KIF5C: variants seen among roughly 807,000 people sequenced by gnomAD.
The protein encoded by KIF5C is kinesin heavy chain isoform 5C.
In KIF5C, 18 loss-of-function variants were observed where a neutral mutation model predicts 125.2. That is an observed-to-expected ratio of 0.14 (90% CI 0.10 to 0.21). The LOEUF (loss-of-function observed/expected upper bound fraction) is 0.21. Among genes scored for constraint, KIF5C ranks in the 10% least tolerant of loss-of-function variants. The pLI is 1.00. For synonymous variants in KIF5C, 405 were observed against 434.0 expected, an observed-to-expected ratio of 0.93 and a Z score of 0.83; for missense variants, 780 against 1,183.8, an observed-to-expected ratio of 0.66 and a Z score of 5.01.
At chr2:148,941,519 T>C (rs966483492) in intron 4 of KIF5C, 91 bp from the exon 5 acceptor site, 43 of 1,493,018 alleles carry the variant, frequency 2.9e-5, no homozygotes, top group African/African-American at 5.6e-5. Context: ...TTCTTAGCCA[T>C]GCATGATGAA....
chr2:148,894,734 A>C (rs1170797155), intron 1 of KIF5C, among the ~76,000 whole-genome samples: 1 of 151,364 alleles, frequency 6.6e-6, no homozygotes, highest in Non-Finnish European at 1.5e-5. Context: ...GGTGGGAGGG[A>C]AGATTAAAGG....
At chr2:148,915,492 C>A (rs972968432) in intron 1 of KIF5C, among the ~76,000 whole-genome samples, 3 of 152,106 alleles carry the variant, frequency 2.0e-5, no homozygotes, top group African/African-American at 7.2e-5. Context: ...AAAGGTGTAC[C>A]CCCTTTCCAG....
intron 21 of KIF5C, among the ~76,000 whole-genome samples, chr2:149,001,224 C>G (rs562121582): frequency 1.3e-5 from 2 of 152,314 alleles, no homozygotes; most frequent in African/African-American, 4.8e-5. Flanking sequence ...AAATCTTGCA[C>G]TCTATCAGAT....
intron 2 of KIF5C, among the ~76,000 whole-genome samples, chr2:148,922,647 A>G (rs1681834113): frequency 6.6e-6 from 1 of 152,182 alleles, no homozygotes; most frequent in African/African-American, 2.4e-5. Context: ...CCCTTTTACT[A>G]ATATCTCTCA....
Position 149,011,660 on chromosome 2 carries a change from C to T in KIF5C, c.2858C>T (p.Thr953Ile), listed in dbSNP as rs772603415. 1 of 1,614,084 alleles carries T rather than the reference C, an allele frequency of 6.2e-7. No homozygotes were observed. The highest frequency in any genetic ancestry group is 1.1e-5 in the South Asian group (1 of 91,090). The change falls in exon 25 of 26, where the codon ACT becomes ATT. Residue 953 changes from threonine to isoleucine, a missense_variant. Transcript: ENST00000435030. ...GGAGGAGGCAGCTCTTCAAATTCCA[C>T]TCACTACCAGAAATAAATACAAAGT... is the stretch of plus-strand genomic sequence containing the variant. ...RGGGGSSSNS[T>I]HYQK
In KIF5C at chr2:148,997,376, G is replaced by T. The variant is rs749410303; in HGVS notation, c.2100+36G>T. The T allele has an allele frequency of 6.8e-6, 11 of 1,613,282 alleles. 1 individual carries two copies. The South Asian group carries it at 1.2e-4, about 18-fold the overall frequency. ...CTGCCCCTTCCATCAAGCCCAGTGT[G>T]CATTTGATGCATTTGGATTGGAAAT... On this transcript the variant is annotated intron_variant, in intron 18 of 25. Transcript: ENST00000435030.
chr2:148,967,388 G>T (rs1336809523), intron 11 of KIF5C, among the ~76,000 whole-genome samples: 2 of 152,214 alleles, frequency 1.3e-5, no homozygotes, highest in African/African-American at 2.4e-5. Flanking sequence ...AGACAGGCAG[G>T]TCTCTTAAGT....
At chr2:148,914,545 C>T (rs957395518) in intron 1 of KIF5C, among the ~76,000 whole-genome samples, 1 of 152,238 alleles carries the variant, frequency 6.6e-6, no homozygotes, top group Non-Finnish European at 1.5e-5. Flanking sequence ...CCTGGTTTCC[C>T]GCAGGAAGGC....
At chr2:148,997,169 G>A in intron 17 of KIF5C, 95 bp from the exon 18 acceptor site, 1 of 1,499,862 alleles carries the variant, frequency 6.7e-7, no homozygotes, top group East Asian at 2.4e-5. Flanking sequence ...GTTTCACTCT[G>A]TTGCCATTTT....
At chr2:148,921,189 C>T in intron 1 of KIF5C, among the ~76,000 whole-genome samples, 1 of 152,196 alleles carries the variant, frequency 6.6e-6, no homozygotes, top group East Asian at 1.9e-4. Flanking sequence ...ACATATAATG[C>T]ACGGTGGAGT....
chr2:149,014,946 G>C (rs1196547900), intron 25 of KIF5C, among the ~76,000 whole-genome samples: 1 of 152,128 alleles, frequency 6.6e-6, no homozygotes, highest in Non-Finnish European at 1.5e-5. Context: ...CCAGCACTTT[G>C]GGAAGCTGAG....
chr2:148,905,876 C>T (rs1681085252), intron 1 of KIF5C, among the ~76,000 whole-genome samples: 1 of 152,104 alleles, frequency 6.6e-6, no homozygotes, highest in Non-Finnish European at 1.5e-5. Flanking sequence ...TACACGATGG[C>T]AGGCCAAAAA....
chr2:148,977,616 G>T (rs1184351202), intron 12 of KIF5C, among the ~76,000 whole-genome samples: 1 of 152,144 alleles, frequency 6.6e-6, no homozygotes, highest in Admixed American at 6.5e-5. Flanking sequence ...GATTTGTGCA[G>T]GAAAATAGAA....
intron 11 of KIF5C, among the ~76,000 whole-genome samples, chr2:148,969,107 TAC>T (rs1484081743): frequency 6.6e-6 from 1 of 152,218 alleles, no homozygotes; most frequent in Non-Finnish European, 1.5e-5. Context: ...TTTAATGAAT[TAC>T]TGGCAGTCTA....
chr2:148,913,848 C>G (rs1383649057), intron 1 of KIF5C, among the ~76,000 whole-genome samples: 2 of 152,152 alleles, frequency 1.3e-5, no homozygotes, highest in Non-Finnish European at 2.9e-5. Flanking sequence ...TTTTTCACCT[C>G]CCATCCAGTG....
intron 3 of KIF5C, among the ~76,000 whole-genome samples, chr2:148,934,118 ACATACTGCACACG>A (rs937442709): frequency 1.3e-5 from 2 of 148,464 alleles, no homozygotes; most frequent in Non-Finnish European, 3.0e-5. Context: ...ACACCACATA[ACATACTGCACACG>A]CATACATCAT....
chr2:148,903,876 T>C (rs1364630860), intron 1 of KIF5C, among the ~76,000 whole-genome samples: 5 of 152,276 alleles, frequency 3.3e-5, no homozygotes, highest in East Asian at 1.9e-4. Flanking sequence ...TTATTTTTTT[T>C]CCCCTTTTTT....
At chr2:148,901,726 C>T (rs892072216) in intron 1 of KIF5C, among the ~76,000 whole-genome samples, 6 of 152,204 alleles carry the variant, frequency 3.9e-5, no homozygotes, top group African/African-American at 1.4e-4. Context: ...ACCCCAGTGG[C>T]AGGCTCCTGT....
In KIF5C at chr2:149,026,525, A is replaced by C. The variant is rs1574847890; in HGVS notation, c.*3455A>C. On this transcript the variant is annotated 3_prime_UTR_variant, in exon 26 of 26. Transcript: ENST00000435030. ...TGTACAGTAGCTTTCACATTAAAAA[A>C]ATTGTGGACAAACTTGTCCGGGGGG... 2.6e-5 allele frequency: 4 copies of C among 152,740 alleles called. No individual in the cohort carries two copies. The highest frequency in any genetic ancestry group is 3.4e-3 in the Middle Eastern group (1 of 296). The allele number at this position is 152,740 out of a possible 1,614,324, so 9.5% of individuals were successfully genotyped here. A position where few individuals can be genotyped will look rare whatever the true frequency, so the allele number is the denominator to read the frequency against.
Sources: allele counts gnomAD v4.1 joint callset (sites outside exome capture counted in the v4.1 genomes callset), GRCh38; gene constraint gnomAD v4.1.1; transcripts MANE v1.5; gene names NCBI Gene and HGNC (gene_info 2026-07-23, HGNC 2026-07-21).